ZNF423: variants seen among roughly 807,000 people sequenced by gnomAD.
The protein encoded by ZNF423 is Ebf-associated zinc finger protein.
In ZNF423, 12 loss-of-function variants were observed where a neutral mutation model predicts 95.8. The observed-to-expected ratio is 0.13, with a 90% CI of 0.08 to 0.20. ZNF423 has a LOEUF of 0.20. Ranked by LOEUF, ZNF423 falls within the 10% of genes least tolerant of loss-of-function variation. The pLI, the probability that ZNF423 is intolerant of heterozygous loss-of-function variation, is 1.00. For synonymous variants in ZNF423, 749 were observed against 711.9 expected, an observed-to-expected ratio of 1.05 and a Z score of -0.83; for missense variants, 1,316 against 1,737.1, an observed-to-expected ratio of 0.76 and a Z score of 4.31.
At chr16:49,524,257 G>A (rs1968516774) in intron 6 of ZNF423, among the ~76,000 whole-genome samples, 1 of 152,220 alleles carries the variant, frequency 6.6e-6, no homozygotes, top group South Asian at 2.1e-4. Flanking sequence ...GCTAGCAAGT[G>A]GCAGAGCCTA....
At chr16:49,784,878 C>T (rs554073999) in intron 2 of ZNF423, among the ~76,000 whole-genome samples, 3 of 146,912 alleles carry the variant, frequency 2.0e-5, no homozygotes, top group African/African-American at 7.6e-5. Context: ...TGAACCCGGG[C>T]GGTGGAGATT....
At chr16:49,771,312 C>G (rs1252165425) in intron 2 of ZNF423, among the ~76,000 whole-genome samples, 1 of 149,988 alleles carries the variant, frequency 6.7e-6, no homozygotes, top group Non-Finnish European at 1.5e-5. Flanking sequence ...AAGTAATTCT[C>G]CTGCCTCAGC....
chr16:49,750,067 C>T (rs1358702340), intron 2 of ZNF423, among the ~76,000 whole-genome samples: 1 of 152,212 alleles, frequency 6.6e-6, no homozygotes, highest in Non-Finnish European at 1.5e-5. Context: ...TGCCGAACAG[C>T]CCATCTCTGG....
chr16:49,630,901 G>A (rs556962871), intron 4 of ZNF423, among the ~76,000 whole-genome samples: 26 of 152,026 alleles, frequency 1.7e-4, no homozygotes, highest in Non-Finnish European at 3.2e-4. Context: ...CGGGAGAAGG[G>A]CTGACCCCTC....
rs753674596 is a variant in ZNF423, at chr16:49,525,401, C to T, written c.3695G>A (p.Gly1232Asp). 14 of 1,613,960 alleles carry T rather than the reference C, an allele frequency of 8.7e-6. No individual in the cohort carries two copies. Among genetic ancestry groups the T allele is most frequent in the Non-Finnish European group, 1.1e-5 (13 of 1,179,978 alleles). The change falls in exon 6 of 8, where the codon GGC becomes GAC. Residue 1232 changes from glycine to aspartate, a missense_variant. Gly to Asp is a moderately conservative substitution (Grantham distance 94). Transcript: ENST00000563137. Reference sequence around the variant, plus strand: ...GGGGCATTTGAAGGTGCCGCCCATGCCCTCGAAGCTGTGCTCAATGAGGTG... The same window carrying T: ...GGGGCATTTGAAGGTGCCGCCCATGTCCTCGAAGCTGTGCTCAATGAGGTG... ...LCHLIEHSFEGMGGTFKCPVC... is the reference protein window; with the variant it reads ...LCHLIEHSFEDMGGTFKCPVC...
At chr16:49,811,246 T>C (rs1317396898) in intron 1 of ZNF423, among the ~76,000 whole-genome samples, 1 of 149,944 alleles carries the variant, frequency 6.7e-6, no homozygotes, top group African/African-American at 2.5e-5. Flanking sequence ...TGCTTGGGGG[T>C]AGTGAGGCTC....
intron 7 of ZNF423, among the ~76,000 whole-genome samples, chr16:49,500,900 T>TAA (rs796553124): frequency 1.7e-4 from 25 of 143,610 alleles, no homozygotes; most frequent in African/African-American, 6.4e-4. Flanking sequence ...AGACCTCATT[T>TAA]AAAAAAAAAA....
chr16:49,514,076 G>A (rs141504477), intron 7 of ZNF423, among the ~76,000 whole-genome samples: 14 of 151,776 alleles, frequency 9.2e-5, no homozygotes, highest in Admixed American at 4.6e-4. Flanking sequence ...TTGGGCCTCA[G>A]ATACTTGGTA....
At chr16:49,647,401 C>G (rs1362166155) in intron 3 of ZNF423, among the ~76,000 whole-genome samples, 3 of 152,192 alleles carry the variant, frequency 2.0e-5, no homozygotes, top group African/African-American at 7.2e-5. Context: ...CCAAAGATGT[C>G]CAAGTCTTAA....
chr16:49,821,347 G>A (rs373890526), intron 1 of ZNF423, among the ~76,000 whole-genome samples: 6 of 152,258 alleles, frequency 3.9e-5, no homozygotes, highest in African/African-American at 1.2e-4. Flanking sequence ...GAGAACCAGA[G>A]CTGGGGAGGC....
At chr16:49,627,608 C>T (rs569949251) in intron 4 of ZNF423, among the ~76,000 whole-genome samples, 1 of 149,878 alleles carries the variant, frequency 6.7e-6, no homozygotes, top group African/African-American at 2.5e-5. Flanking sequence ...TACTCACTCA[C>T]CCATCCACCC....
At chr16:49,834,614 G>C (rs112227300) in intron 1 of ZNF423, among the ~76,000 whole-genome samples, 1 of 152,174 alleles carries the variant, frequency 6.6e-6, no homozygotes, top group Non-Finnish European at 1.5e-5. Context: ...GGGGTTGGGG[G>C]AAACCGGAGC....
At chr16:49,493,568 T>A (rs964042646) in intron 7 of ZNF423, among the ~76,000 whole-genome samples, 2 of 151,884 alleles carry the variant, frequency 1.3e-5, no homozygotes, top group Admixed American at 1.3e-4. Flanking sequence ...TGTGGGTGGG[T>A]CATTCTTTAT....
intron 5 of ZNF423, among the ~76,000 whole-genome samples, chr16:49,583,634 C>G (rs1032440257): frequency 4.6e-5 from 7 of 152,146 alleles, no homozygotes; most frequent in African/African-American, 1.7e-4. Context: ...TATACACACA[C>G]TTATATGTCG....
At chr16:49,623,550 A>G (rs1359531649) in intron 5 of ZNF423, among the ~76,000 whole-genome samples, 2 of 152,272 alleles carry the variant, frequency 1.3e-5, no homozygotes, top group African/African-American at 4.8e-5. Flanking sequence ...TACAAAAGCA[A>G]ACATTTTTAG....
intron 5 of ZNF423, among the ~76,000 whole-genome samples, chr16:49,618,696 T>G (rs1008260927): frequency 1.3e-5 from 2 of 152,180 alleles, no homozygotes; most frequent in African/African-American, 2.4e-5. Context: ...AGTGTGAGAA[T>G]GGACTGCTAC....
intron 3 of ZNF423, among the ~76,000 whole-genome samples, chr16:49,641,385 C>G (rs950315334): frequency 4.6e-5 from 7 of 152,188 alleles, no homozygotes; most frequent in African/African-American, 1.7e-4. Context: ...CTCCTTGGAG[C>G]CTGCCTTGTG....
At chr16:49,737,236 A>G (rs77758753) in intron 2 of ZNF423, among the ~76,000 whole-genome samples, 5,384 of 150,130 alleles carry the variant, frequency 0.036, 328 homozygotes, top group African/African-American at 0.13. Flanking sequence ...GGCAGAGAGG[A>G]ATTTGTATCC....
intron 1 of ZNF423, among the ~76,000 whole-genome samples, chr16:49,836,376 T>G (rs1248205796): frequency 6.6e-6 from 1 of 151,222 alleles, no homozygotes; most frequent in African/African-American, 2.4e-5. Flanking sequence ...GGGGTTGGCA[T>G]GGAGGGAAGG....
Sources: gnomAD v4.1 joint callset for allele counts (sites outside exome capture counted in the v4.1 genomes callset) on GRCh38, gnomAD v4.1.1 for gene constraint, MANE v1.5 for transcripts, NCBI Gene and HGNC (gene_info 2026-07-23, HGNC 2026-07-21) for gene names.